The following GRM7 variants were observed in gnomAD, a reference collection of about 807,000 sequenced individuals.
The protein encoded by GRM7 is glutamate metabotropic receptor 7, also known as metabotropic glutamate receptor 7.
In GRM7, 35 loss-of-function variants were observed where a neutral mutation model predicts 84.5. The observed-to-expected ratio is 0.41, with a 90% CI of 0.32 to 0.55. The LOEUF (loss-of-function observed/expected upper bound fraction) is 0.55. GRM7 is among the 20% of genes least tolerant of loss of function. The pLI, the probability that GRM7 is intolerant of heterozygous loss-of-function variation, is 0.19. For synonymous variants in GRM7, 487 were observed against 455.1 expected (o/e 1.07, Z -0.89); for missense variants, 1,003 against 1,194.6 (o/e 0.84, Z 2.36).
At chr3:7,367,723 GA>G (rs942683166) in intron 4 of GRM7, among the ~76,000 whole-genome samples, 33 of 148,658 alleles carry the variant, frequency 2.2e-4, no homozygotes, top group African/African-American at 7.4e-4. Flanking sequence ...GAGAGAAGGA[GA>G]AAAAAAAAGG....
intron 7 of GRM7, among the ~76,000 whole-genome samples, chr3:7,467,506 A>G (rs1305623168): frequency 6.6e-6 from 1 of 152,174 alleles, no homozygotes; most frequent in Non-Finnish European, 1.5e-5. Context: ...TACCCGTACT[A>G]CGTCTCCCTA....
intron 1 of GRM7, among the ~76,000 whole-genome samples, chr3:7,079,817 C>T (rs749376869): frequency 2.7e-4 from 41 of 152,108 alleles, no homozygotes; most frequent in Non-Finnish European, 4.3e-4. Context: ...TTGATAACTG[C>T]ACACATGTGG....
In GRM7 at chr3:7,161,489, T is replaced by C. The variant is rs557850254; in HGVS notation, c.736+14821T>C. Among the ~76,000 whole-genome samples the C allele has an allele frequency of 2.6e-5, 4 of 151,952 alleles. No individual in the cohort carries two copies. In the South Asian group the frequency reaches 8.3e-4, roughly 32 times the overall value. ...AATCTAGTTTCCATTTTTGTGTTTA[T>C]ACTACAGGAATAAAACCAGTTCCTT... On this transcript the variant is annotated intron_variant, in intron 2 of 9. Coordinates refer to ENST00000357716, the MANE Select transcript of GRM7 (RefSeq NM_000844.4).
At chr3:6,905,256 T>G (rs1374337439) in intron 1 of GRM7, among the ~76,000 whole-genome samples, 1 of 152,214 alleles carries the variant, frequency 6.6e-6, no homozygotes, top group Non-Finnish European at 1.5e-5. Flanking sequence ...GTGTATTTCC[T>G]TTACTCATGT....
intron 4 of GRM7, among the ~76,000 whole-genome samples, chr3:7,385,820 A>T (rs1215977763): frequency 6.6e-6 from 1 of 152,242 alleles, no homozygotes; most frequent in Non-Finnish European, 1.5e-5. Flanking sequence ...CAGTAACCTA[A>T]TATTTCATCA....
chr3:7,429,381 C>T (rs17047332), intron 5 of GRM7, among the ~76,000 whole-genome samples: 1,889 of 152,198 alleles, frequency 0.012, 41 homozygotes, highest in African/African-American at 0.04. Flanking sequence ...ATTGCTAAGC[C>T]GTTTTCTGAA....
chr3:7,413,329 A>C (rs1446664501), intron 4 of GRM7, among the ~76,000 whole-genome samples: 1 of 152,178 alleles, frequency 6.6e-6, no homozygotes, highest in East Asian at 1.9e-4. Flanking sequence ...TCTCTCTTAA[A>C]AACTTAAGTC....
intron 1 of GRM7, among the ~76,000 whole-genome samples, chr3:7,096,097 C>G (rs949834562): frequency 2.0e-5 from 3 of 152,092 alleles, no homozygotes; most frequent in African/African-American, 7.2e-5. Context: ...CTATGAAGTT[C>G]TATCATGCCA....
At chr3:6,870,168 G>T (rs1695074356) in intron 1 of GRM7, among the ~76,000 whole-genome samples, 1 of 152,158 alleles carries the variant, frequency 6.6e-6, no homozygotes, top group Non-Finnish European at 1.5e-5. Context: ...AACATTATGG[G>T]ATAAGGAAAA....
intron 4 of GRM7, among the ~76,000 whole-genome samples, chr3:7,337,148 A>G (rs2125073391): frequency 6.6e-6 from 1 of 152,224 alleles, no homozygotes; most frequent in Non-Finnish European, 1.5e-5. Context: ...TTGACAAAGC[A>G]AACAAACATA....
chr3:7,471,201 G>A (rs1444087317), intron 7 of GRM7, among the ~76,000 whole-genome samples: 1 of 135,018 alleles, frequency 7.4e-6, no homozygotes, highest in Non-Finnish European at 1.6e-5. Context: ...GTTTTTTATT[G>A]CTGCTGTAAA....
rs1247190483 is a variant in GRM7 at position 6,968,980 on chromosome 3, T to C, written c.519+107073T>C. On this transcript the variant is annotated intron_variant, in intron 1 of 9. Transcript: ENST00000357716. ...AATTGAATGTTGACAACTAATTTCA[T>C]TCCTGCCTAACTCACTCCAATTTCA... is the stretch of plus-strand genomic sequence containing the variant. Among the ~76,000 whole-genome samples, 3 of 152,154 alleles carry C rather than the reference T, an allele frequency of 2.0e-5. No individual in the cohort carries two copies. The East Asian group carries it at 5.8e-4, about 29-fold the overall frequency.
chr3:7,142,035 C>G (rs1215622128), intron 1 of GRM7, among the ~76,000 whole-genome samples: 1 of 151,970 alleles, frequency 6.6e-6, no homozygotes, highest in African/African-American at 2.4e-5. Context: ...TGTATAAAGG[C>G]TTGCATTAGC....
chr3:7,209,650 C>T (rs1332846541), intron 2 of GRM7, among the ~76,000 whole-genome samples: 3 of 152,150 alleles, frequency 2.0e-5, no homozygotes, highest in Admixed American at 6.6e-5. Context: ...AAAAAGCTGT[C>T]TGTTGACGAG....
chr3:7,296,299 AT>A (rs1289499900), intron 2 of GRM7, among the ~76,000 whole-genome samples: 1 of 152,074 alleles, frequency 6.6e-6, no homozygotes, highest in Non-Finnish European at 1.5e-5. Flanking sequence ...TTGTTAACAT[AT>A]TTTTAAGAAT....
At chr3:7,066,278 A>C (rs961629429) in intron 1 of GRM7, among the ~76,000 whole-genome samples, 1 of 151,900 alleles carries the variant, frequency 6.6e-6, no homozygotes, top group Non-Finnish European at 1.5e-5. Flanking sequence ...GACCATTAGC[A>C]AGATTAACCA....
intron 1 of GRM7, among the ~76,000 whole-genome samples, chr3:6,959,626 C>T (rs777774337): frequency 6.6e-5 from 10 of 152,246 alleles, no homozygotes; most frequent in Non-Finnish European, 1.3e-4. Context: ...TTAAGGGTTG[C>T]AGTTACCATG....
At chr3:7,198,180 G>A (rs187314904) in intron 2 of GRM7, among the ~76,000 whole-genome samples, 54 of 151,620 alleles carry the variant, frequency 3.6e-4, no homozygotes, top group Admixed American at 4.6e-4. Context: ...GAGAGAGATG[G>A]AAAACAGGCA....
chr3:7,610,935 GT>G (rs2125079530), intron 8 of GRM7, among the ~76,000 whole-genome samples: 1 of 152,274 alleles, frequency 6.6e-6, no homozygotes, highest in African/African-American at 2.4e-5. Flanking sequence ...CAAAACGATA[GT>G]TAATGTATAA....
Sources: allele counts gnomAD v4.1 joint callset (sites outside exome capture counted in the v4.1 genomes callset), GRCh38; gene constraint gnomAD v4.1.1; transcripts MANE v1.5; gene names NCBI Gene and HGNC (gene_info 2026-07-23, HGNC 2026-07-21).